Variants in KDM4C observed in about 807,000 individuals in gnomAD.
KDM4C encodes lysine-specific demethylase 4C.
A neutral mutation model predicts 129.3 loss-of-function variants in KDM4C; 81 were observed. That is an observed-to-expected ratio of 0.63 (90% CI 0.52 to 0.75). The LOEUF (loss-of-function observed/expected upper bound fraction) is 0.75. Among genes scored for constraint, KDM4C ranks in the 30% least tolerant of loss-of-function variants. The pLI, the probability that KDM4C is intolerant of heterozygous loss-of-function variation, is 0.00. For missense variants in KDM4C, 1,457 were observed against 1,304.0 expected (o/e 1.12, Z -1.81); for synonymous variants, 573 against 456.1 (o/e 1.26, Z -3.26).
chr9:7,123,045 A>T (rs1481706159), intron 18 of KDM4C, among the ~76,000 whole-genome samples: 3 of 152,214 alleles, frequency 2.0e-5, no homozygotes, highest in Non-Finnish European at 4.4e-5. Flanking sequence ...AATAAATCAG[A>T]AATCCTATCA....
intron 15 of KDM4C, among the ~76,000 whole-genome samples, chr9:7,041,554 C>G (rs1261688328): frequency 6.8e-6 from 1 of 147,006 alleles, no homozygotes; most frequent in African/African-American, 2.5e-5. Context: ...TTTTTTTTTG[C>G]TTTTTATTAT....
At chr9:6,901,580 A>G (rs1047288283) in intron 8 of KDM4C, among the ~76,000 whole-genome samples, 1 of 152,182 alleles carries the variant, frequency 6.6e-6, no homozygotes, top group Non-Finnish European at 1.5e-5. Context: ...TTGCGAGGAA[A>G]ATCTTTCCTT....
At chr9:6,784,908 C>A (rs544115694) in intron 1 of KDM4C, among the ~76,000 whole-genome samples, 2 of 152,186 alleles carry the variant, frequency 1.3e-5, no homozygotes, top group African/African-American at 4.8e-5. Context: ...CCTGCGACTT[C>A]CCTTTTCCTC....
In KDM4C at chr9:6,958,885, C is replaced by T. The variant is rs528977607; in HGVS notation, c.922-22040C>T. On this transcript the variant is annotated intron_variant, in intron 8 of 21. Transcript: ENST00000381309. ...CTGGTCTCGAACTCCTGGGCTCAAGCGATCCACCTGCCTTGGCCTCCCGAA... is the reference window on the plus strand; with the variant it reads ...CTGGTCTCGAACTCCTGGGCTCAAGTGATCCACCTGCCTTGGCCTCCCGAA... Among the ~76,000 whole-genome samples, 4 of 152,072 alleles carry T rather than the reference C, an allele frequency of 2.6e-5. No individual in the cohort carries two copies. In the East Asian group the frequency reaches 5.8e-4, roughly 22 times the overall value.
chr9:6,934,950 G>A (rs1824486304), intron 8 of KDM4C, among the ~76,000 whole-genome samples: 1 of 151,528 alleles, frequency 6.6e-6, no homozygotes, highest in African/African-American at 2.4e-5. Flanking sequence ...CATACACTCA[G>A]ATTTTTTTCT....
At chr9:7,161,086 A>G (rs945504177) in intron 19 of KDM4C, among the ~76,000 whole-genome samples, 1 of 152,080 alleles carries the variant, frequency 6.6e-6, no homozygotes, top group African/African-American at 2.4e-5. Flanking sequence ...TCAGTCTCAG[A>G]CTGCTGCGCT....
At chr9:6,857,922 G>GTTTT (rs71487861) in intron 5 of KDM4C, among the ~76,000 whole-genome samples, 4,788 of 102,940 alleles carry the variant, frequency 0.047, 205 homozygotes, top group East Asian at 0.099. Context: ...ATCTGGCTAA[G>GTTTT]TTTTTTTTTT....
intron 15 of KDM4C, among the ~76,000 whole-genome samples, chr9:7,023,816 T>G (rs983271793): frequency 2.6e-5 from 4 of 152,218 alleles, no homozygotes; most frequent in African/African-American, 9.6e-5. Flanking sequence ...CCCATAGATT[T>G]TGGTGTGTTG....
chr9:6,807,502 G>C (rs1478224830), intron 3 of KDM4C, among the ~76,000 whole-genome samples: 113 of 140,302 alleles, frequency 8.1e-4, no homozygotes, highest in African/African-American at 2.9e-3. Flanking sequence ...GCCGCCCATC[G>C]TCTGAGATGT....
intron 1 of KDM4C, among the ~76,000 whole-genome samples, chr9:6,726,004 G>A (rs1324047132): frequency 6.6e-6 from 1 of 150,814 alleles, no homozygotes; most frequent in African/African-American, 2.4e-5. Flanking sequence ...TCGGCTCACT[G>A]CAACCTCCAC....
At chr9:6,854,497 C>T (rs1187018175) in intron 5 of KDM4C, among the ~76,000 whole-genome samples, 5 of 136,730 alleles carry the variant, frequency 3.7e-5, no homozygotes, top group Non-Finnish European at 7.7e-5. Flanking sequence ...TGCACTCCAG[C>T]CTGGGCAACA....
At chr9:6,848,737 T>C (rs1403784652) in intron 4 of KDM4C, among the ~76,000 whole-genome samples, 2 of 152,172 alleles carry the variant, frequency 1.3e-5, no homozygotes, top group Non-Finnish European at 2.9e-5. Flanking sequence ...TTAACTCTTA[T>C]AGTAGTGACT....
intron 17 of KDM4C, among the ~76,000 whole-genome samples, chr9:7,077,949 G>A (rs1587493716): frequency 6.6e-6 from 1 of 152,318 alleles, no homozygotes; most frequent in East Asian, 1.9e-4. Context: ...AAGACCTCCA[G>A]GTTCCACATG....
intron 8 of KDM4C, among the ~76,000 whole-genome samples, chr9:6,939,976 A>ACCTTTCTTCCTT (rs1825581494): frequency 2.1e-5 from 2 of 93,480 alleles, no homozygotes; most frequent in East Asian, 3.2e-4. Context: ...CTACCTACCT[A>ACCTTTCTTCCTT]CCTTCCTTCC....
At chr9:7,109,357 A>G (rs1431072348) in intron 18 of KDM4C, among the ~76,000 whole-genome samples, 1 of 152,032 alleles carries the variant, frequency 6.6e-6, no homozygotes, top group Non-Finnish European at 1.5e-5. Context: ...GGAAAAAAGT[A>G]GTTCTGTTCC....
upstream of KDM4C, among the ~76,000 whole-genome samples, chr9:6,754,314 G>C (rs1350361197): frequency 6.6e-6 from 1 of 151,870 alleles, no homozygotes; most frequent in African/African-American, 2.4e-5. Context: ...CTGGATTCAA[G>C]TGATTCTCAT....
intron 17 of KDM4C, among the ~76,000 whole-genome samples, chr9:7,053,161 T>C (rs1474046109): frequency 6.6e-6 from 1 of 152,222 alleles, no homozygotes; most frequent in Admixed American, 6.5e-5. Flanking sequence ...ATATGAAGGC[T>C]GTTTATTTTT....
intron 12 of KDM4C, among the ~76,000 whole-genome samples, chr9:7,005,083 T>G (rs544734429): frequency 3.7e-4 from 57 of 152,296 alleles, no homozygotes; most frequent in African/African-American, 1.3e-3. Context: ...GTTGACATTG[T>G]GGGCTTCCTG....
chr9:6,978,328 CA>C (rs1278877897), intron 8 of KDM4C, among the ~76,000 whole-genome samples: 2 of 152,144 alleles, frequency 1.3e-5, no homozygotes, highest in African/African-American at 4.8e-5. Context: ...ATAATAATTC[CA>C]AATAAACTTT....
Sources: gnomAD v4.1 joint callset for allele counts (sites outside exome capture counted in the v4.1 genomes callset) on GRCh38, gnomAD v4.1.1 for gene constraint, MANE v1.5 for transcripts, NCBI Gene and HGNC (gene_info 2026-07-23, HGNC 2026-07-21) for gene names.